CSMD1: variants seen among roughly 807,000 people sequenced by gnomAD.
The protein encoded by CSMD1 is CUB and Sushi multiple domains 1.
Under a neutral mutation model 417.5 loss-of-function variants are expected in CSMD1, and 213 were observed. The observed-to-expected ratio is 0.51, with a 90% CI of 0.46 to 0.57. The LOEUF is 0.57. Ranked by LOEUF, CSMD1 falls within the 20% of genes least tolerant of loss-of-function variation. The probability of loss-of-function intolerance (pLI) is 0.00; values close to 1 mark genes in which losing one functional copy is unlikely to be tolerated. For missense variants in CSMD1, 6,923 were observed against 4,529.7 expected (o/e 1.53, Z -15.17); for synonymous variants, 2,862 against 1,736.8 (o/e 1.65, Z -16.11).
chr8:4,665,229 C>T (rs998810824), intron 1 of CSMD1, among the ~76,000 whole-genome samples: 2 of 152,170 alleles, frequency 1.3e-5, no homozygotes, highest in Non-Finnish European at 2.9e-5. Flanking sequence ...CTCCCACGAC[C>T]TTCCTCTCCT....
intron 3 of CSMD1, among the ~76,000 whole-genome samples, chr8:4,216,835 G>C (rs368358875): frequency 2.0e-5 from 3 of 152,154 alleles, no homozygotes; most frequent in Admixed American, 1.3e-4. Flanking sequence ...GTAAACATGA[G>C]GATGGGGTGT....
chr8:4,381,460 G>C (rs536569033), intron 3 of CSMD1, among the ~76,000 whole-genome samples: 18 of 152,284 alleles, frequency 1.2e-4, no homozygotes, highest in African/African-American at 2.9e-4. Context: ...GTGCCGACGT[G>C]TGCTAAAGAT....
At chr8:3,986,328 G>T (rs928418776) in intron 5 of CSMD1, among the ~76,000 whole-genome samples, 1 of 152,100 alleles carries the variant, frequency 6.6e-6, no homozygotes, top group Non-Finnish European at 1.5e-5. Context: ...CCCTTCTAGG[G>T]TGTTCATTGA....
At chr8:2,968,513 T>A (rs1804165540) in intron 57 of CSMD1, among the ~76,000 whole-genome samples, 1 of 152,246 alleles carries the variant, frequency 6.6e-6, no homozygotes, top group African/African-American at 2.4e-5. Context: ...ACCAGCATAA[T>A]GCTATCCTAA....
intron 2 of CSMD1, among the ~76,000 whole-genome samples, chr8:4,506,588 C>T (rs1404658257): frequency 6.6e-6 from 1 of 152,088 alleles, no homozygotes; most frequent in African/African-American, 2.4e-5. Context: ...GAAGTCACTA[C>T]CATTCTAAAC....
intron 2 of CSMD1, among the ~76,000 whole-genome samples, chr8:4,609,503 C>G (rs752834715): frequency 5.9e-5 from 9 of 152,178 alleles, no homozygotes; most frequent in African/African-American, 1.2e-4. Context: ...CAATAACTCA[C>G]TAATTAGCTA....
At chr8:4,764,366 G>A (rs948891836) in intron 1 of CSMD1, among the ~76,000 whole-genome samples, 4 of 152,128 alleles carry the variant, frequency 2.6e-5, no homozygotes, top group African/African-American at 4.8e-5. Context: ...TCACAAAGGA[G>A]CAATCATGAG....
chr8:3,677,975 G>A (rs1283684820), intron 7 of CSMD1, among the ~76,000 whole-genome samples: 2 of 152,120 alleles, frequency 1.3e-5, no homozygotes, highest in Non-Finnish European at 2.9e-5. Flanking sequence ...CTGACTTGGT[G>A]CAGGGACTCA....
intron 3 of CSMD1, among the ~76,000 whole-genome samples, chr8:4,376,811 C>T (rs747391848): frequency 1.3e-4 from 20 of 152,254 alleles, no homozygotes; most frequent in Non-Finnish European, 1.9e-4. Flanking sequence ...CCTCTACTTT[C>T]ATGTTCCTCA....
At chr8:4,624,649 C>A (rs1801992225) in intron 2 of CSMD1, among the ~76,000 whole-genome samples, 1 of 152,130 alleles carries the variant, frequency 6.6e-6, no homozygotes, top group Non-Finnish European at 1.5e-5. Flanking sequence ...TGGGTCGGTG[C>A]CCAGCAGCAG....
chr8:4,407,898 A>C (rs1020944860), intron 3 of CSMD1, among the ~76,000 whole-genome samples: 5 of 152,150 alleles, frequency 3.3e-5, no homozygotes, highest in African/African-American at 1.2e-4. Context: ...AAGATGGATA[A>C]CACATCCAAA....
At chr8:4,433,275 C>T (rs560219177) in intron 2 of CSMD1, among the ~76,000 whole-genome samples, 1 of 152,188 alleles carries the variant, frequency 6.6e-6, no homozygotes, top group Non-Finnish European at 1.5e-5. Flanking sequence ...ACCATTTCCT[C>T]CCACACCCTG....
At chr8:4,606,141 A>T (rs1374066932) in intron 2 of CSMD1, among the ~76,000 whole-genome samples, 1 of 152,176 alleles carries the variant, frequency 6.6e-6, no homozygotes, top group Non-Finnish European at 1.5e-5. Context: ...ATTCACACTA[A>T]TACTGAGCTT....
chr8:3,712,242 C>CA (rs1801555278), intron 6 of CSMD1, among the ~76,000 whole-genome samples: 1 of 152,158 alleles, frequency 6.6e-6, no homozygotes, highest in African/African-American at 2.4e-5. Flanking sequence ...CCAGGGTCCA[C>CA]CCGGTGTCTG....
At chr8:3,968,964 A>G (rs552709451) in intron 5 of CSMD1, among the ~76,000 whole-genome samples, 2 of 152,284 alleles carry the variant, frequency 1.3e-5, no homozygotes, top group Middle Eastern at 6.8e-3. Context: ...CTAAGACCTA[A>G]TGCAGGGCAG....
At chr8:3,040,019 A>G (rs1462697152) in intron 50 of CSMD1, among the ~76,000 whole-genome samples, 1 of 152,172 alleles carries the variant, frequency 6.6e-6, no homozygotes, top group Non-Finnish European at 1.5e-5. Flanking sequence ...CTCCAACCTC[A>G]GAGATGTCCT....
chr8:3,223,072 G>C (rs1010762977), intron 28 of CSMD1, among the ~76,000 whole-genome samples: 1 of 152,108 alleles, frequency 6.6e-6, no homozygotes. Flanking sequence ...AAAAGTCAAA[G>C]TCTAAAGTTA....
Position 3,580,534 on chromosome 8 carries a change from G to T in CSMD1, c.1223-5468C>A, listed in dbSNP as rs115763648. On this transcript the variant is annotated intron_variant, in intron 9 of 69. Transcript: ENST00000635120. ...GTTCTTTGATGTCAATAGAGTATGA[G>T]AGTAGTATAAGATACAAAACTATAT... 2.3e-3 allele frequency among the ~76,000 whole-genome samples: 351 copies of T among 152,236 alleles called. 9 individuals are homozygous for T. In the East Asian group the frequency reaches 0.053, roughly 23 times the overall value.
chr8:3,190,369 G>C (rs933443282), intron 33 of CSMD1, among the ~76,000 whole-genome samples: 1 of 151,980 alleles, frequency 6.6e-6, no homozygotes, highest in African/African-American at 2.4e-5. Flanking sequence ...ACTGTACTTC[G>C]CCCTCAGGAC....
Sources: allele counts gnomAD v4.1 joint callset (sites outside exome capture counted in the v4.1 genomes callset), GRCh38; gene constraint gnomAD v4.1.1; transcripts MANE v1.5; gene names NCBI Gene and HGNC (gene_info 2026-07-23, HGNC 2026-07-21).